TLK1: variants seen among roughly 807,000 people sequenced by gnomAD.
TLK1 encodes the protein tousled like kinase 1.
TLK1 carries 24 observed loss-of-function variants against 105.3 expected under a neutral mutation model. That is an observed-to-expected ratio of 0.23 (90% CI 0.17 to 0.32). The LOEUF is 0.32. Ranked by LOEUF, TLK1 falls within the 10% of genes least tolerant of loss-of-function variation. The pLI is 1.00. For missense variants in TLK1, 558 were observed against 910.5 expected (o/e 0.61, Z 4.98); for synonymous variants, 321 against 310.4 (o/e 1.03, Z -0.36).
chr2:171,088,040 C>A (rs1010688857), intron 2 of TLK1, among the ~76,000 whole-genome samples: 1 of 152,124 alleles, frequency 6.6e-6, no homozygotes, highest in African/African-American at 2.4e-5. Context: ...TACTGCAAAA[C>A]CCATCCATGG....
upstream of TLK1, among the ~76,000 whole-genome samples, chr2:171,164,164 A>C (rs1692565178): frequency 6.6e-6 from 1 of 152,160 alleles, no homozygotes; most frequent in African/African-American, 2.4e-5. Flanking sequence ...TAAATGTTTG[A>C]TTCCTGTCTT....
intron 1 of TLK1, among the ~76,000 whole-genome samples, chr2:171,153,095 A>G (rs1330910540): frequency 6.6e-6 from 1 of 152,228 alleles, no homozygotes; most frequent in Non-Finnish European, 1.5e-5. Context: ...GTAAGTTAAA[A>G]TCTGCTTAGG....
At chr2:171,015,459 C>CAT (rs1685134415) in intron 12 of TLK1, among the ~76,000 whole-genome samples, 2 of 116,182 alleles carry the variant, frequency 1.7e-5, no homozygotes, top group African/African-American at 5.9e-5. Context: ...CACACACACA[C>CAT]ACAAACTGAC....
upstream of TLK1, among the ~76,000 whole-genome samples, chr2:171,162,206 T>C (rs1196682227): frequency 6.6e-6 from 1 of 152,236 alleles, no homozygotes; most frequent in South Asian, 2.1e-4. Context: ...AACAACTTTA[T>C]TGAGGTATAA....
In TLK1 at chr2:171,084,181, G is replaced by A. The variant is rs183483334; in HGVS notation, c.259-1329C>T. Reference sequence around the variant, plus strand: ...AGAAAGAAACAGATGTCTGATAACCGAGAACAAAAGACACCTAAAACAGCC... The same window carrying A: ...AGAAAGAAACAGATGTCTGATAACCAAGAACAAAAGACACCTAAAACAGCC... On this transcript the variant is annotated intron_variant, in intron 2 of 20. Coordinates refer to ENST00000431350, the MANE Select transcript of TLK1 (RefSeq NM_012290.5). Among the ~76,000 whole-genome samples the A allele has an allele frequency of 4.7e-4, 71 of 152,212 alleles. 1 individual carries two copies. The East Asian group carries it at 0.011, about 24-fold the overall frequency.
rs116698659 is a variant in TLK1 at position 171,167,737 on chromosome 2, T to G, written c.-5-49880A>C. Among the ~76,000 whole-genome samples, 379 of 152,232 alleles carry G rather than the reference T, an allele frequency of 2.5e-3. 3 individuals are homozygous for G. The highest frequency in any genetic ancestry group is 8.6e-3 in the African/African-American group (358 of 41,542). ...CTAGATTCTCAAACAAAAACTGGAATTACTAGATTTATTTCACCTGAGGTT... is the reference window on the plus strand; with the variant it reads ...CTAGATTCTCAAACAAAAACTGGAAGTACTAGATTTATTTCACCTGAGGTT... On this transcript the variant is annotated intron_variant, in intron 1 of 20. Transcript: ENST00000521943.
chr2:171,111,897 GTAAAAATCCTAAA>G (rs1409907784), intron 2 of TLK1, among the ~76,000 whole-genome samples: 8 of 152,164 alleles, frequency 5.3e-5, no homozygotes, highest in African/African-American at 1.7e-4. Context: ...AAGCATATAT[GTAAAAATCCTAAA>G]TAATTAATCA....
At chr2:171,175,989 T>A (rs1360994804) in intron 1 of TLK1, among the ~76,000 whole-genome samples, 1 of 152,058 alleles carries the variant, frequency 6.6e-6, no homozygotes, top group Admixed American at 6.6e-5. Flanking sequence ...CAGGCTAGAG[T>A]GCAATGGCGC....
intron 1 of TLK1, among the ~76,000 whole-genome samples, chr2:171,167,493 T>G (rs539776139): frequency 1.6e-4 from 24 of 152,366 alleles, no homozygotes; most frequent in Non-Finnish European, 2.6e-4. Flanking sequence ...AATTCTCATT[T>G]CATTAAGTTG....
chr2:171,004,392 C>T (rs761228401), intron 18 of TLK1, among the ~76,000 whole-genome samples: 1 of 151,684 alleles, frequency 6.6e-6, no homozygotes, highest in Admixed American at 6.6e-5. Context: ...CCATGCATTT[C>T]AAACCTATAT....
chr2:171,010,595 A>G (rs1684866179), intron 14 of TLK1, among the ~76,000 whole-genome samples: 1 of 149,424 alleles, frequency 6.7e-6, no homozygotes, highest in African/African-American at 2.5e-5. Context: ...CAATATTTAA[A>G]GGTTAGGCTA....
At chr2:171,195,501 CAAA>C (rs55835853) in intron 1 of TLK1, among the ~76,000 whole-genome samples, 10 of 66,304 alleles carry the variant, frequency 1.5e-4, no homozygotes, top group African/African-American at 4.6e-4. Flanking sequence ...GACTCTGTCT[CAAA>C]AAAAAAAAAA....
chr2:171,154,556 T>G (rs761915959), intron 1 of TLK1: 1 of 152,230 alleles, frequency 6.6e-6, no homozygotes, highest in Non-Finnish European at 1.5e-5. Context: ...GGTTCAGCTC[T>G]GTAATTCTTA....
intron 2 of TLK1, among the ~76,000 whole-genome samples, chr2:171,098,386 T>A (rs570639256): frequency 6.6e-6 from 1 of 152,308 alleles, no homozygotes; most frequent in African/African-American, 2.4e-5. Flanking sequence ...TATTTGTCAA[T>A]CATACCTCAA....
chr2:171,013,552 T>C (rs1476279700), intron 13 of TLK1, among the ~76,000 whole-genome samples: 4 of 151,570 alleles, frequency 2.6e-5, no homozygotes, highest in Non-Finnish European at 4.4e-5. Flanking sequence ...TCAATTTGCT[T>C]GCACTGGCCT....
intron 1 of TLK1, among the ~76,000 whole-genome samples, chr2:171,141,991 G>T (rs1340204830): frequency 6.6e-6 from 1 of 152,026 alleles, no homozygotes; most frequent in African/African-American, 2.4e-5. Flanking sequence ...AAACTATCTG[G>T]CAATAGTATG....
chr2:171,046,472 A>G (rs781417986), intron 10 of TLK1, 110 bp from the exon 11 acceptor site: 79 of 1,254,552 alleles, frequency 6.3e-5, no homozygotes, highest in Non-Finnish European at 7.4e-5. Flanking sequence ...TACATTCGTA[A>G]CCTTTTGGTT....
intron 2 of TLK1, among the ~76,000 whole-genome samples, chr2:171,116,322 AAAAG>A (rs940384508): frequency 1.3e-5 from 2 of 152,226 alleles, no homozygotes; most frequent in African/African-American, 4.8e-5. Context: ...ATCAGTTCAA[AAAAG>A]AAAGTAATAC....
At chr2:171,108,005 C>T (rs1035877674) in intron 2 of TLK1, among the ~76,000 whole-genome samples, 4 of 150,682 alleles carry the variant, frequency 2.7e-5, no homozygotes, top group Non-Finnish European at 4.4e-5. Flanking sequence ...TGCAGTGAGC[C>T]GAGATTGCGT....
Sources: allele counts gnomAD v4.1 joint callset (sites outside exome capture counted in the v4.1 genomes callset), GRCh38; gene constraint gnomAD v4.1.1; transcripts MANE v1.5; gene names NCBI Gene and HGNC (gene_info 2026-07-23, HGNC 2026-07-21).